Variants in CLDN14 observed in about 807,000 individuals in gnomAD.
CLDN14 encodes claudin-14.
A neutral mutation model predicts 2.1 loss-of-function variants in CLDN14; 2 were observed. The ratio of observed to expected loss-of-function variants is 0.96; its 90% confidence interval spans 0.39 to 3.01. The LOEUF is 3.01. Among genes scored for constraint, CLDN14 ranks in the 30% most tolerant of loss-of-function variants. The pLI, the probability that CLDN14 is intolerant of heterozygous loss-of-function variation, is 0.09. For synonymous variants in CLDN14, 136 were observed against 154.4 expected (o/e 0.88, Z 0.88); for missense variants, 298 against 328.0 (o/e 0.91, Z 0.71).
rs2086901704 is a variant in CLDN14 at position 36,486,735 on chromosome 21, C to G, written c.-82+23628G>C. The stretch of plus-strand genomic sequence containing the variant: ...AGGAATTTAGCCAGTTTCACCAGAT[C>G]CTTCTCATTGCCTTTGGGCTTCCCA... On this transcript the variant is annotated intron_variant, in intron 2 of 2. Coordinates refer to the CLDN14 transcript ENST00000342108. 3 of 1,016,640 alleles carry G rather than the reference C, an allele frequency of 3.0e-6. No individual in the cohort carries two copies. In the East Asian group the frequency reaches 7.2e-5, roughly 24 times the overall value. 63.0% of individuals were successfully genotyped at this position (1,016,640 alleles called of 1,614,324 possible). A position where few individuals can be genotyped will look rare whatever the true frequency, so the allele number is the denominator to read the frequency against.
At chr21:36,533,172 C>G (rs1019225515) in intron 1 of CLDN14, among the ~76,000 whole-genome samples, 5 of 152,202 alleles carry the variant, frequency 3.3e-5, no homozygotes, top group Admixed American at 3.3e-4. Context: ...TCGGGTGGGG[C>G]TGCACATCTG....
At chr21:36,475,224 G>A (rs1238867427) in intron 1 of CLDN14, among the ~76,000 whole-genome samples, 1 of 152,180 alleles carries the variant, frequency 6.6e-6, no homozygotes, top group Non-Finnish European at 1.5e-5. Context: ...TTTTCCTAGG[G>A]GAAAATGATG....
chr21:36,570,217 G>A (rs1284750191), intron 1 of CLDN14, among the ~76,000 whole-genome samples: 2 of 152,224 alleles, frequency 1.3e-5, no homozygotes, highest in African/African-American at 4.8e-5. Context: ...AGGTTATGAT[G>A]ATAAGGGATT....
At chr21:36,501,521 G>C (rs2087092406) in intron 2 of CLDN14, among the ~76,000 whole-genome samples, 1 of 151,548 alleles carries the variant, frequency 6.6e-6, no homozygotes, top group Non-Finnish European at 1.5e-5. Context: ...GGGACATTTG[G>C]GCCTGAGACT....
At position 36,496,279 on chromosome 21, in the gene CLDN14, A is replaced by G. The variant is rs974974126; in HGVS notation, c.-82+14084T>C. ...AGTGAAACCCCATCTCTACAAAAAA[A>G]TACAAAAATTAGCTGGGCATGGTGA... On this transcript the variant is annotated intron_variant, in intron 2 of 2. Coordinates refer to the CLDN14 transcript ENST00000342108. Among the ~76,000 whole-genome samples, 7 of 151,962 alleles carry G rather than the reference A, an allele frequency of 4.6e-5. No individual in the cohort carries two copies. The East Asian group carries it at 9.7e-4, about 21-fold the overall frequency.
At chr21:36,491,858 C>T (rs2086968841) in intron 2 of CLDN14, among the ~76,000 whole-genome samples, 1 of 152,144 alleles carries the variant, frequency 6.6e-6, no homozygotes, top group Non-Finnish European at 1.5e-5. Context: ...CCGCTCTGGG[C>T]TGGGGTCTCA....
chr21:36,548,347 C>G (rs1385787108), intron 1 of CLDN14, among the ~76,000 whole-genome samples: 1 of 152,212 alleles, frequency 6.6e-6, no homozygotes, highest in Non-Finnish European at 1.5e-5. Flanking sequence ...CATCTAAGTC[C>G]AGTTGGTTTG....
At chr21:36,475,801 G>A (rs1166849515) in intron 1 of CLDN14, among the ~76,000 whole-genome samples, 1 of 152,014 alleles carries the variant, frequency 6.6e-6, no homozygotes, top group Middle Eastern at 3.4e-3. Flanking sequence ...CCAGGCTGGA[G>A]CACAGTAGGA....
chr21:36,529,407 G>T (rs1489372822), intron 1 of CLDN14, among the ~76,000 whole-genome samples: 1 of 152,056 alleles, frequency 6.6e-6, no homozygotes, highest in Non-Finnish European at 1.5e-5. Flanking sequence ...TCCTGCCTCA[G>T]CCTCTCGAGT....
intron 1 of CLDN14, among the ~76,000 whole-genome samples, chr21:36,538,485 A>G (rs1374659388): frequency 6.6e-6 from 1 of 152,126 alleles, no homozygotes; most frequent in Non-Finnish European, 1.5e-5. Flanking sequence ...GTGGTGGCAC[A>G]CACCTTTAAT....
intron 1 of CLDN14, among the ~76,000 whole-genome samples, chr21:36,471,477 C>G (rs538783148): frequency 2.6e-4 from 39 of 152,168 alleles, no homozygotes; most frequent in African/African-American, 8.9e-4. Flanking sequence ...AGCTTGTGTG[C>G]AATTGGCTGG....
chr21:36,540,087 G>T (rs562112026), intron 1 of CLDN14, among the ~76,000 whole-genome samples: 9 of 150,532 alleles, frequency 6.0e-5, no homozygotes, highest in Non-Finnish European at 1.3e-4. Flanking sequence ...TGTGTTGTGT[G>T]GTGTGGTCCG....
chr21:36,492,469 T>A (rs1443901485), intron 2 of CLDN14, among the ~76,000 whole-genome samples: 2,206 of 51,122 alleles, frequency 0.043, 35 homozygotes, highest in Non-Finnish European at 0.075. Context: ...AAAAAAAAAA[T>A]GCAAAAATTA....
At chr21:36,507,101 C>G (rs2087140536) in intron 2 of CLDN14, among the ~76,000 whole-genome samples, 4 of 150,434 alleles carry the variant, frequency 2.7e-5, no homozygotes, top group Admixed American at 2.6e-4. Context: ...CCAGCCTGGG[C>G]AACAGAATGA....
intron 1 of CLDN14, among the ~76,000 whole-genome samples, chr21:36,573,177 T>C: frequency 6.6e-6 from 1 of 151,766 alleles, no homozygotes; most frequent in Admixed American, 6.6e-5. Context: ...GGTGGGCGCC[T>C]GTAGTCCCAG....
intron 1 of CLDN14, among the ~76,000 whole-genome samples, chr21:36,558,672 C>T (rs994298673): frequency 5.9e-5 from 9 of 151,392 alleles, no homozygotes; most frequent in Admixed American, 4.6e-4. Context: ...AGATAGTTTA[C>T]TGTTGGTGTA....
intron 1 of CLDN14, among the ~76,000 whole-genome samples, chr21:36,462,433 C>T (rs551338362): frequency 2.3e-4 from 35 of 152,270 alleles, no homozygotes; most frequent in Middle Eastern, 3.4e-3. Flanking sequence ...GCTCCCAACA[C>T]GCTCCCCATT....
chr21:36,514,597 G>A (rs1008973768), intron 1 of CLDN14, among the ~76,000 whole-genome samples: 1 of 149,998 alleles, frequency 6.7e-6, no homozygotes, highest in African/African-American at 2.5e-5. Context: ...GAGAGAAGGG[G>A]AAATAAAGTC....
Position 36,523,813 on chromosome 21 carries a change from A to G in CLDN14, c.-219-13313T>C, listed in dbSNP as rs536811116. Among the ~76,000 whole-genome samples the G allele has an allele frequency of 4.0e-3, 559 of 138,226 alleles. 31 individuals carry two copies. Among genetic ancestry groups the G allele is most frequent in the Middle Eastern group, 0.014 (4 of 276 alleles). 90.7% of individuals were successfully genotyped at this position (138,226 alleles called of 152,430 possible). A position where few individuals can be genotyped will look rare whatever the true frequency, so the allele number is the denominator to read the frequency against. On this transcript the variant is annotated intron_variant, in intron 1 of 2. Coordinates refer to the CLDN14 transcript ENST00000342108. ...AAAGAAAGAAAGAAAGAAAGAAAGA[A>G]AGAAAGAAAGAAAGAAAGAAAGAAA...
Sources: gnomAD v4.1 joint callset for allele counts (sites outside exome capture counted in the v4.1 genomes callset) on GRCh38, gnomAD v4.1.1 for gene constraint, MANE v1.5 for transcripts, NCBI Gene and HGNC (gene_info 2026-07-23, HGNC 2026-07-21) for gene names.